The following PROC variants were observed in gnomAD, a reference collection of about 807,000 sequenced individuals.
The protein encoded by PROC is vitamin K-dependent protein C.
A neutral mutation model predicts 36.3 loss-of-function variants in PROC; 22 were observed. The ratio of observed to expected loss-of-function variants is 0.61; its 90% confidence interval spans 0.43 to 0.86. The LOEUF (loss-of-function observed/expected upper bound fraction) is 0.86, where lower values mean the gene tolerates loss of function less well. PROC is among the 40% of genes least tolerant of loss of function. The probability of loss-of-function intolerance (pLI) is 0.00; values close to 1 mark genes in which losing one functional copy is unlikely to be tolerated. For missense variants in PROC, 526 were observed against 629.7 expected, an observed-to-expected ratio of 0.84 and a Z score of 1.76; for synonymous variants, 218 against 244.5, an observed-to-expected ratio of 0.89 and a Z score of 1.01.
rs1052269597 is a variant in PROC, at chr2:127,428,737, G to A, written c.1177G>A (p.Asp393Asn). ...CATGCTGTGTGCGGGCATCCTCGGG[G>A]ACCGGCAGGATGCCTGCGAGGGCGA... ...ENMLCAGILG[D>N]RQDACEGDSG... Residue 393 changes from aspartate to asparagine, a missense_variant, in exon 9 of 9, where the codon GAC becomes AAC. Coordinates refer to ENST00000234071, the MANE Select transcript of PROC (RefSeq NM_000312.4). The A allele has an allele frequency of 3.0e-5, 48 of 1,613,362 alleles. No homozygotes were observed. Among genetic ancestry groups the A allele is most frequent in the Non-Finnish European group, 4.0e-5 (47 of 1,180,024 alleles).
chr2:127,427,276 C>A, intron 8 of PROC, 54 bp downstream of exon 8: 1 of 1,517,150 alleles, frequency 6.6e-7, no homozygotes, highest in Non-Finnish European at 9.1e-7. Context: ...GTAGGGGGAC[C>A]AGGCAGGCTG....
At position 127,428,803 on chromosome 2, in the gene PROC, T is replaced by C. The variant is rs745857900; in HGVS notation, c.1243T>C (p.Phe415Leu). The change falls in exon 9 of 9, where the codon TTC becomes CTC. Residue 415 changes from phenylalanine to leucine, a missense_variant. Transcript: ENST00000234071. Reference sequence around the variant, plus strand: ...GGTCGCCTCCTTCCACGGCACCTGGTTCCTGGTGGGCCTGGTGAGCTGGGG... The same window carrying C: ...GGTCGCCTCCTTCCACGGCACCTGGCTCCTGGTGGGCCTGGTGAGCTGGGG... ...PMVASFHGTW[F>L]LVGLVSWGEG... The C allele has an allele frequency of 6.2e-7, 1 of 1,612,230 alleles. No homozygotes were observed. The highest frequency in any genetic ancestry group is 1.1e-5 in the South Asian group (1 of 91,072).
Position 127,423,579 on chromosome 2 carries a change from C to G in PROC, c.535+171C>G, listed in dbSNP as rs990051489. On this transcript the variant is annotated intron_variant, in intron 6 of 8. Coordinates refer to ENST00000234071, the MANE Select transcript of PROC (RefSeq NM_000312.4). The stretch of plus-strand genomic sequence containing the variant: ...GCCCCAACACCGGGGCCACTGTTAG[C>G]GCAATCAGCCCGGGAGCTGGGCGCG... 48 of 844,172 alleles carry G rather than the reference C, an allele frequency of 5.7e-5. 1 individual carries two copies. The highest frequency in any genetic ancestry group is 3.3e-4 in the Admixed American group (9 of 27,422). 52.3% of individuals were successfully genotyped at this position (844,172 alleles called of 1,614,324 possible).
Position 127,428,290 on chromosome 2 carries a change from C to A in PROC, c.797-67C>A, listed in dbSNP as rs1688655301. On this transcript the variant is annotated intron_variant, in intron 8 of 8. Transcript: ENST00000234071. ...CTGCAGGGGCACAGCAGTGGGTGGG[C>A]CTCAGGAAAGTGCCACTGGGGAGAG... The A allele has an allele frequency of 2.0e-6, 3 of 1,482,444 alleles. No homozygotes were observed. The African/African-American group carries it at 4.2e-5, about 21-fold the overall frequency. 91.8% of individuals were successfully genotyped at this position (1,482,444 alleles called of 1,614,324 possible).
At chr2:127,428,039 G>A (rs774891273) in intron 8 of PROC, among the ~76,000 whole-genome samples, 1 of 152,156 alleles carries the variant, frequency 6.6e-6, no homozygotes, top group East Asian at 1.9e-4. Context: ...CAGGGGTCTC[G>A]GGCTTCCCTG....
At position 127,419,912 on chromosome 2, in the gene PROC, T is replaced by C. The variant is rs760735091; in HGVS notation, c.-21-10T>C. 1.2e-6 allele frequency: 2 copies of C among 1,613,802 alleles called. No individual in the cohort carries two copies. The highest frequency in any genetic ancestry group is 3.3e-5 in the Admixed American group (2 of 60,014). ...GTAGGCACTGCCCGGAGCTCAGAAG[T>C]CCTCCTCAGACAGGTGCCAGTGCCT... On this transcript the variant is annotated splice_polypyrimidine_tract_variant and intron_variant, in intron 1 of 8. Coordinates refer to ENST00000234071, the MANE Select transcript of PROC (RefSeq NM_000312.4).
intron 6 of PROC, 23 bp downstream of exon 6, chr2:127,423,431 C>T: frequency 6.5e-7 from 1 of 1,544,964 alleles, no homozygotes; most frequent in Non-Finnish European, 8.7e-7. Flanking sequence ...CAATACATCG[C>T]CCAGGAATCA....
rs1688695211 is a variant in PROC at position 127,428,736 on chromosome 2, G to A, written c.1176G>A (p.Gly392=). 2 of 1,613,458 alleles carry A rather than the reference G, an allele frequency of 1.2e-6. No homozygotes were observed. Among genetic ancestry groups the A allele is most frequent in the East Asian group, 2.2e-5 (1 of 44,884 alleles). ...ACATGCTGTGTGCGGGCATCCTCGG[G>A]GACCGGCAGGATGCCTGCGAGGGCG... ...SENMLCAGIL[G]DRQDACEGDS... Residue 392 remains glycine (G), a synonymous_variant, in exon 9 of 9, where the codon GGG becomes GGA. Transcript: ENST00000234071.
intron 3 of PROC, among the ~76,000 whole-genome samples, chr2:127,422,623 T>G (rs933885904): frequency 9.2e-5 from 14 of 152,282 alleles, no homozygotes; most frequent in African/African-American, 3.1e-4. Flanking sequence ...GTCCCTTGCA[T>G]GCCAGAGGCT....
chr2:127,423,520 G>A, intron 6 of PROC, 112 bp downstream of exon 6: 1 of 1,391,730 alleles, frequency 7.2e-7, no homozygotes, highest in African/African-American at 1.5e-5. Flanking sequence ...AGGGAGCGAG[G>A]AACAGAGTTG....
chr2:127,427,263 T>A, intron 8 of PROC, 41 bp downstream of exon 8: 1 of 1,565,226 alleles, frequency 6.4e-7, no homozygotes, highest in Middle Eastern at 2.1e-4. Context: ...GCCAGAGGCC[T>A]GGGTAGGGGG....
chr2:127,423,702 G>A (rs1220179080), intron 6 of PROC: 2 of 441,092 alleles, frequency 4.5e-6, no homozygotes, highest in African/African-American at 2.1e-5. Flanking sequence ...CAAGCCCAGT[G>A]GTGGCTCCGC....
At chr2:127,427,030 T>G in intron 7 of PROC, 75 bp from the exon 8 acceptor site, 3 of 1,287,368 alleles carry the variant, frequency 2.3e-6, no homozygotes, top group Non-Finnish European at 3.4e-6. Context: ...GGAAAGTGCA[T>G]ATGAAACCCA....
At position 127,422,944 on chromosome 2, in the gene PROC, G is replaced by A; in HGVS notation, c.262+3G>A. Reference sequence around the variant, plus strand: ...GGCCTTCTGGTCCAAGCACGTCGGTGAGTGCGTTCTAGATCCCCGGCTGGA... The same window carrying A: ...GGCCTTCTGGTCCAAGCACGTCGGTAAGTGCGTTCTAGATCCCCGGCTGGA... On this transcript the variant is annotated splice_donor_region_variant and intron_variant, in intron 4 of 8. Coordinates refer to ENST00000234071, the MANE Select transcript of PROC (RefSeq NM_000312.4). 6.3e-7 allele frequency: 1 copy of A among 1,597,494 alleles called. No homozygotes were observed. The highest frequency in any genetic ancestry group is 8.5e-7 in the Non-Finnish European group (1 of 1,173,090).
intron 3 of PROC, 69 bp from the exon 4 acceptor site, chr2:127,422,848 T>A: frequency 6.6e-7 from 1 of 1,506,616 alleles, no homozygotes; most frequent in Non-Finnish European, 9.0e-7. Flanking sequence ...CCCGCTGCCC[T>A]GCCCCACCCG....
rs2069918 is a variant in PROC at position 127,421,750 on chromosome 2, G to A, written c.237+301G>A. On this transcript the variant is annotated intron_variant, in intron 3 of 8. Coordinates refer to ENST00000234071, the MANE Select transcript of PROC (RefSeq NM_000312.4). ...CACTGCTGAGCACCACTGCCTCCCCGTCCCACCTCACAAAGAGGGGACCTA... is the reference window on the plus strand; with the variant it reads ...CACTGCTGAGCACCACTGCCTCCCCATCCCACCTCACAAAGAGGGGACCTA... 0.21 allele frequency among the ~76,000 whole-genome samples: 32,088 copies of A among 152,040 alleles called. 3,504 individuals carry two copies. Among genetic ancestry groups the A allele is most frequent in the South Asian group, 0.35 (1,706 of 4,820 alleles).
intron 2 of PROC, 60 bp from the exon 3 acceptor site, chr2:127,421,223 T>C: frequency 3.8e-6 from 6 of 1,575,870 alleles, no homozygotes; most frequent in South Asian, 1.1e-5. Context: ...GACCCCCTCA[T>C]GGCCCCAGCC....
At position 127,421,466 on chromosome 2, in the gene PROC, T is replaced by G; in HGVS notation, c.237+17T>G. 1 of 1,613,558 alleles carries G rather than the reference T, an allele frequency of 6.2e-7. No individual in the cohort carries two copies. The highest frequency in any genetic ancestry group is 1.1e-5 in the South Asian group (1 of 91,018). ...GATGACACAGTAAGGCCACCATGGG[T>G]CCAGAGGATGAGGCTCAGGGGCGAG... On this transcript the variant is annotated intron_variant, in intron 3 of 8. Coordinates refer to ENST00000234071, the MANE Select transcript of PROC (RefSeq NM_000312.4).
rs1455307420 is a variant in PROC, at chr2:127,426,426, G to A, written c.678+199G>A. The A allele has an allele frequency of 1.3e-5, 9 of 675,040 alleles. No homozygotes were observed. In the Admixed American group the frequency reaches 2.3e-4, roughly 17 times the overall value. 41.8% of individuals were successfully genotyped at this position (675,040 alleles called of 1,614,324 possible). On this transcript the variant is annotated intron_variant, in intron 7 of 8. Transcript: ENST00000234071. The surrounding 1 kb of genome is among the most constrained non-coding windows in gnomAD (Gnocchi z 7.0). Reference sequence around the variant, plus strand: ...GAGCAGCCAGGGTGGGTGAGGGGAGGGGCATGGGGGCATGGAGGGGTCTGC... The same window carrying A: ...GAGCAGCCAGGGTGGGTGAGGGGAGAGGCATGGGGGCATGGAGGGGTCTGC...
Sources: gnomAD v4.1 joint callset for allele counts (sites outside exome capture counted in the v4.1 genomes callset) on GRCh38, gnomAD v4.1.1 for gene constraint, Gnocchi (gnomAD v3.1) non-coding constraint, MANE v1.5 for transcripts, NCBI Gene and HGNC (gene_info 2026-07-23, HGNC 2026-07-21) for gene names.